The following PTPRT variants were observed in gnomAD, a reference collection of about 807,000 sequenced individuals.
The protein encoded by PTPRT is protein tyrosine phosphatase receptor type T.
In PTPRT, 56 loss-of-function variants were observed where a neutral mutation model predicts 176.8. That is an observed-to-expected ratio of 0.32 (90% CI 0.26 to 0.40). The LOEUF (loss-of-function observed/expected upper bound fraction) is 0.40, where lower values mean the gene tolerates loss of function less well. Among genes scored for constraint, PTPRT ranks in the 10% least tolerant of loss-of-function variants. The pLI is 1.00. For synonymous variants in PTPRT, 783 were observed against 739.0 expected (o/e 1.06, Z -0.96); for missense variants, 1,540 against 1,908.2 (o/e 0.81, Z 3.60).
rs186786191 is a variant in PTPRT, at chr20:43,121,964, C to T, written c.88+67682G>A. 1.4e-4 allele frequency among the ~76,000 whole-genome samples: 21 copies of T among 152,298 alleles called. No homozygotes were observed. In the East Asian group the frequency reaches 3.5e-3, roughly 25 times the overall value. ...CCAACACTGAACAGCTACTAAGTGG[C>T]TGAACCAAAATTCAAACTCTGTCTG... is the stretch of plus-strand genomic sequence containing the variant. On this transcript the variant is annotated intron_variant, in intron 1 of 30. Coordinates refer to ENST00000373187, the MANE Select transcript of PTPRT (RefSeq NM_007050.6).
At chr20:42,732,341 T>C (rs1381695534) in intron 6 of PTPRT, among the ~76,000 whole-genome samples, 2 of 152,196 alleles carry the variant, frequency 1.3e-5, no homozygotes, top group African/African-American at 2.4e-5. Context: ...ATCAGTTTCA[T>C]TGACCCTTGA....
At chr20:42,628,366 C>T (rs6030382) in intron 7 of PTPRT, among the ~76,000 whole-genome samples, 18,307 of 152,110 alleles carry the variant, frequency 0.12, 1,182 homozygotes, top group South Asian at 0.15. Context: ...CTCTATTCCA[C>T]GTGACAAAAC....
At chr20:42,722,015 G>T (rs1213301544) in intron 6 of PTPRT, among the ~76,000 whole-genome samples, 1 of 152,204 alleles carries the variant, frequency 6.6e-6, no homozygotes, top group Non-Finnish European at 1.5e-5. Context: ...GTTGCCAGAG[G>T]TATCTGCACC....
At position 42,678,037 on chromosome 20, in the gene PTPRT, G is replaced by A. The variant is rs724159835; in HGVS notation, c.982C>T (p.Arg328Cys). 1 of 1,614,156 alleles carries A rather than the reference G, an allele frequency of 6.2e-7. No individual in the cohort carries two copies. Among genetic ancestry groups the A allele is most frequent in the African/African-American group, 1.3e-5 (1 of 75,044 alleles). The change falls in exon 7 of 31, where the codon CGC becomes TGC. Residue 328 changes from arginine to cysteine, a missense_variant. By Grantham distance (180) the Arg-to-Cys change is radical (BLOSUM62 -3). Around this residue, in one of 11 missense-constraint regions of PTPRT, gnomAD observed 273 missense variants for 432.1 expected, o/e 0.63. Coordinates refer to ENST00000373187, the MANE Select transcript of PTPRT (RefSeq NM_007050.6). The stretch of plus-strand genomic sequence containing the variant: ...TCTGCCCACGTGCCTGTGGTGGTGC[G>A]ATATTCCACTTCCTTCAGGATGATG... Reference protein sequence around the residue: ...GPIILKEVEYRTTTGTWAETH... With the variant: ...GPIILKEVEYCTTTGTWAETH...
chr20:42,168,423 G>A (rs923751315), intron 16 of PTPRT, among the ~76,000 whole-genome samples: 1 of 152,150 alleles, frequency 6.6e-6, no homozygotes, highest in Admixed American at 6.5e-5. Context: ...AAATCTCAAG[G>A]TGGAACCTGG....
chr20:43,139,306 T>TG (rs755443972), intron 1 of PTPRT, among the ~76,000 whole-genome samples: 5 of 152,182 alleles, frequency 3.3e-5, no homozygotes, highest in Non-Finnish European at 5.9e-5. Flanking sequence ...CATGGAACCA[T>TG]GGGGCTTTTC....
intron 1 of PTPRT, among the ~76,000 whole-genome samples, chr20:43,096,461 G>A (rs1275780024): frequency 6.6e-6 from 1 of 152,196 alleles, no homozygotes; most frequent in Non-Finnish European, 1.5e-5. Flanking sequence ...CTGCTGGCAA[G>A]TAAGGCCTAA....
chr20:42,550,346 A>G (rs1360167445), intron 7 of PTPRT, among the ~76,000 whole-genome samples: 1 of 152,174 alleles, frequency 6.6e-6, no homozygotes, highest in East Asian at 1.9e-4. Flanking sequence ...GTGGGAAGGG[A>G]AAGGGGAGAG....
At chr20:42,187,681 G>T (rs1990835715) in intron 16 of PTPRT, among the ~76,000 whole-genome samples, 1 of 152,192 alleles carries the variant, frequency 6.6e-6, no homozygotes, top group East Asian at 1.9e-4. Context: ...TCACAATCCA[G>T]CTGAGTAGAT....
chr20:42,390,038 T>C (rs931296335), intron 9 of PTPRT, among the ~76,000 whole-genome samples: 1 of 152,166 alleles, frequency 6.6e-6, no homozygotes, highest in African/African-American at 2.4e-5. Context: ...ATCAGCACAG[T>C]ATGGACTTAT....
rs1200277249 is a variant in PTPRT at position 42,106,928 on chromosome 20, G to A, written c.3255-7C>T. 5 of 1,613,866 alleles carry A rather than the reference G, an allele frequency of 3.1e-6. No homozygotes were observed. The highest frequency in any genetic ancestry group is 4.5e-5 in the East Asian group (2 of 44,872). ...AGTCCGCCCAGCCCCAGCACTGGAA[G>A]AGAGGTATGGTCTGTGTTAAGGATC... is the stretch of plus-strand genomic sequence containing the variant. On this transcript the variant is annotated splice_polypyrimidine_tract_variant and splice_region_variant and intron_variant, in intron 23 of 30. Coordinates refer to ENST00000373187, the MANE Select transcript of PTPRT (RefSeq NM_007050.6).
chr20:43,068,573 C>T (rs1237876552), intron 1 of PTPRT, among the ~76,000 whole-genome samples: 1 of 149,880 alleles, frequency 6.7e-6, no homozygotes, highest in African/African-American at 2.5e-5. Flanking sequence ...AGTTTGTATA[C>T]CTGTGGGACA....
intron 6 of PTPRT, among the ~76,000 whole-genome samples, chr20:42,719,505 G>A (rs949486181): frequency 6.6e-6 from 1 of 152,162 alleles, no homozygotes; most frequent in African/African-American, 2.4e-5. Context: ...TGGCAGGAAG[G>A]CAAGAAGTTA....
At chr20:42,156,339 G>A (rs1036385340) in intron 17 of PTPRT, among the ~76,000 whole-genome samples, 1 of 152,162 alleles carries the variant, frequency 6.6e-6, no homozygotes, top group Non-Finnish European at 1.5e-5. Flanking sequence ...CTAGTACAGT[G>A]TCTGTACCCT....
rs1437320980 is a variant in PTPRT, at chr20:42,561,813, C to T, written c.1154-89251G>A. ...AGCATAAAACTATAAAATGGAGTTT[C>T]TGCCTCAGTTTCCACATTTGTGCTA... On this transcript the variant is annotated intron_variant, in intron 7 of 30. Coordinates refer to ENST00000373187, the MANE Select transcript of PTPRT (RefSeq NM_007050.6). 2.6e-5 allele frequency among the ~76,000 whole-genome samples: 4 copies of T among 152,218 alleles called. No individual in the cohort carries two copies. The East Asian group carries it at 7.7e-4, about 29-fold the overall frequency.
intron 2 of PTPRT, among the ~76,000 whole-genome samples, chr20:42,819,201 T>C (rs1020989642): frequency 6.6e-6 from 1 of 152,134 alleles, no homozygotes; most frequent in African/African-American, 2.4e-5. Context: ...ACAGTGGACC[T>C]CTGGGCAGAA....
At chr20:42,056,903 A>G in the PTPRT span, among the ~76,000 whole-genome samples, 3 of 151,804 alleles carry the variant, frequency 2.0e-5, no homozygotes, top group Non-Finnish European at 2.9e-5. Flanking sequence ...TTCCAAATGG[A>G]CCCTCCCCAT....
intron 1 of PTPRT, among the ~76,000 whole-genome samples, chr20:43,059,376 C>A (rs1365456566): frequency 6.6e-6 from 1 of 152,206 alleles, no homozygotes; most frequent in South Asian, 2.1e-4. Flanking sequence ...ATACCTTCAA[C>A]ATTTTGCTTA....
chr20:42,157,341 TTC>T (rs1257358956), intron 17 of PTPRT, among the ~76,000 whole-genome samples: 3 of 140,074 alleles, frequency 2.1e-5, no homozygotes, highest in Admixed American at 1.4e-4. Flanking sequence ...TCCAAAGATT[TTC>T]TTTTTCTTTT....
Sources: allele counts gnomAD v4.1 joint callset (sites outside exome capture counted in the v4.1 genomes callset), GRCh38; gene constraint gnomAD v4.1.1; regional missense constraint gnomAD v4.1.1; transcripts MANE v1.5; gene names NCBI Gene and HGNC (gene_info 2026-07-23, HGNC 2026-07-21).